The following SCAPER variants were observed in gnomAD, a reference collection of about 807,000 sequenced individuals.
SCAPER encodes the protein S phase cyclin A-associated protein in the endoplasmic reticulum.
A neutral mutation model predicts 182.2 loss-of-function variants in SCAPER; 98 were observed. The observed-to-expected ratio is 0.54, with a 90% CI of 0.46 to 0.64. The LOEUF is 0.64. Among genes scored for constraint, SCAPER ranks in the 30% least tolerant of loss-of-function variants. The pLI, the probability that SCAPER is intolerant of heterozygous loss-of-function variation, is 0.00. For missense variants in SCAPER, 1,432 were observed against 1,690.0 expected, an observed-to-expected ratio of 0.85 and a Z score of 2.68; for synonymous variants, 605 against 564.6, an observed-to-expected ratio of 1.07 and a Z score of -1.01.
chr15:76,656,162 A>G (rs1225789984), intron 21 of SCAPER, among the ~76,000 whole-genome samples: 2 of 152,202 alleles, frequency 1.3e-5, no homozygotes. Context: ...CAATGGACCC[A>G]TCTCACAAGC....
At chr15:76,587,747 T>G (rs984468527) in intron 22 of SCAPER, among the ~76,000 whole-genome samples, 1 of 152,126 alleles carries the variant, frequency 6.6e-6, no homozygotes, top group African/African-American at 2.4e-5. Context: ...ATTAATAGAA[T>G]GTATATTCTG....
At chr15:76,464,157 A>C (rs2049410035) in intron 25 of SCAPER, among the ~76,000 whole-genome samples, 1 of 152,002 alleles carries the variant, frequency 6.6e-6, no homozygotes. Flanking sequence ...TAAACCTATT[A>C]AACAACTCTG....
intron 27 of SCAPER, among the ~76,000 whole-genome samples, chr15:76,396,406 C>T (rs2044061349): frequency 6.6e-6 from 1 of 152,116 alleles, no homozygotes; most frequent in Admixed American, 6.5e-5. Flanking sequence ...CTGACGATTG[C>T]TTAGGGTAGT....
intron 2 of SCAPER, among the ~76,000 whole-genome samples, chr15:76,879,713 T>C (rs1408158550): frequency 6.6e-6 from 1 of 152,202 alleles, no homozygotes; most frequent in Non-Finnish European, 1.5e-5. Flanking sequence ...GTATTCCTCT[T>C]AGCCCAGCCA....
intron 21 of SCAPER, among the ~76,000 whole-genome samples, chr15:76,652,449 C>T (rs1436716618): frequency 1.9e-5 from 2 of 103,068 alleles, no homozygotes; most frequent in African/African-American, 3.9e-5. Flanking sequence ...GTCAGAAGTT[C>T]GAAACCAGCC....
At chr15:76,891,541 C>T (rs2074166451) in intron 1 of SCAPER, among the ~76,000 whole-genome samples, 1 of 152,192 alleles carries the variant, frequency 6.6e-6, no homozygotes, top group Admixed American at 6.5e-5. Context: ...AGAGCCCAAT[C>T]ATGAGTGAAC....
At chr15:76,535,291 A>G (rs1280458390) in intron 23 of SCAPER, among the ~76,000 whole-genome samples, 2 of 152,090 alleles carry the variant, frequency 1.3e-5, no homozygotes, top group African/African-American at 4.8e-5. Flanking sequence ...TGGGAGGCCG[A>G]GGCGGGCGGA....
chr15:76,649,714 A>G (rs896658438), intron 21 of SCAPER, among the ~76,000 whole-genome samples: 3 of 151,866 alleles, frequency 2.0e-5, no homozygotes, highest in East Asian at 1.9e-4. Flanking sequence ...AAAAAACACA[A>G]TAACATGTTT....
In SCAPER at chr15:76,651,125, T is replaced by C. The variant is rs113805729; in HGVS notation, c.2645+14528A>G. On this transcript the variant is annotated intron_variant, in intron 21 of 31. Coordinates refer to ENST00000563290, the MANE Select transcript of SCAPER (RefSeq NM_020843.4). ...AAATCAGGGGAAAAGAAAATATAAA[T>C]ATGAAGTAAATACAAGTAAAAAATA... Among the ~76,000 whole-genome samples the C allele has an allele frequency of 6.7e-3, 1,013 of 151,870 alleles. 12 individuals are homozygous for C. Among genetic ancestry groups the C allele is most frequent in the African/African-American group, 0.023 (967 of 41,430 alleles).
intron 24 of SCAPER, among the ~76,000 whole-genome samples, chr15:76,493,946 T>C (rs1358462793): frequency 6.6e-6 from 1 of 152,200 alleles, no homozygotes; most frequent in Non-Finnish European, 1.5e-5. Context: ...ACTTTTATTG[T>C]CTATTGGGGA....
intron 2 of SCAPER, among the ~76,000 whole-genome samples, chr15:76,865,583 TGATGGG>T (rs2072226386): frequency 6.6e-6 from 1 of 152,102 alleles, no homozygotes; most frequent in African/African-American, 2.4e-5. Flanking sequence ...ACTTTCATAC[TGATGGG>T]GATGATCCAG....
chr15:76,828,491 G>A (rs1265084673), intron 5 of SCAPER, among the ~76,000 whole-genome samples: 1 of 152,114 alleles, frequency 6.6e-6, no homozygotes, highest in Non-Finnish European at 1.5e-5. Context: ...AAAGTGTCAT[G>A]TTAAACAGAG....
chr15:76,596,456 T>G (rs1294235390), intron 22 of SCAPER, among the ~76,000 whole-genome samples: 5 of 120,118 alleles, frequency 4.2e-5, no homozygotes, highest in Admixed American at 2.9e-4. Flanking sequence ...CCTCCCTAAC[T>G]CATTTTATGA....
intron 23 of SCAPER, among the ~76,000 whole-genome samples, chr15:76,538,311 C>A (rs1213736627): frequency 1.3e-5 from 2 of 149,012 alleles, no homozygotes; most frequent in Non-Finnish European, 3.0e-5. Flanking sequence ...GACTTGGAAC[C>A]AACCCAAATG....
chr15:76,869,217 T>C (rs1012997614), intron 2 of SCAPER, among the ~76,000 whole-genome samples: 3 of 152,194 alleles, frequency 2.0e-5, no homozygotes, highest in Non-Finnish European at 4.4e-5. Flanking sequence ...AAAGAATTTT[T>C]GTGTAAGATC....
At chr15:76,672,843 G>A (rs1271165309) in intron 20 of SCAPER, among the ~76,000 whole-genome samples, 1 of 152,040 alleles carries the variant, frequency 6.6e-6, no homozygotes, top group African/African-American at 2.4e-5. Context: ...AAGATCAAGT[G>A]AAGAATATAA....
chr15:76,543,902 A>G (rs1326967106), intron 23 of SCAPER, among the ~76,000 whole-genome samples: 1 of 152,166 alleles, frequency 6.6e-6, no homozygotes, highest in Non-Finnish European at 1.5e-5. Context: ...TGAAAAGACA[A>G]CCCAGACAAT....
At chr15:76,850,877 A>G (rs889602975) in intron 4 of SCAPER, among the ~76,000 whole-genome samples, 195 of 146,604 alleles carry the variant, frequency 1.3e-3, no homozygotes, top group Non-Finnish European at 2.3e-3. Context: ...AAAAAAAAAA[A>G]GAAAAAAAAA....
chr15:76,527,586 C>A (rs1016297452), intron 23 of SCAPER, among the ~76,000 whole-genome samples: 5 of 152,182 alleles, frequency 3.3e-5, no homozygotes, highest in Non-Finnish European at 5.9e-5. Flanking sequence ...TATTCCACCT[C>A]CTTTTAGGAG....
Sources: gnomAD v4.1 joint callset for allele counts (sites outside exome capture counted in the v4.1 genomes callset) on GRCh38, gnomAD v4.1.1 for gene constraint, MANE v1.5 for transcripts, NCBI Gene and HGNC (gene_info 2026-07-23, HGNC 2026-07-21) for gene names.